Variants in TMEM230 observed in about 807,000 individuals in gnomAD.
The protein encoded by TMEM230 is transmembrane protein 230.
A neutral mutation model predicts 15.8 loss-of-function variants in TMEM230; 10 were observed. That is an observed-to-expected ratio of 0.63 (90% CI 0.39 to 1.07). The LOEUF is 1.07. Ranked by LOEUF, TMEM230 falls within the 50% of genes least tolerant of loss-of-function variation. The pLI is 0.01. For missense variants in TMEM230, 165 were observed against 193.3 expected, an observed-to-expected ratio of 0.85 and a Z score of 0.87; for synonymous variants, 67 against 76.9, an observed-to-expected ratio of 0.87 and a Z score of 0.68.
chr20:5,082,125 G>C (rs1189412039), intron 3 of TMEM230, among the ~76,000 whole-genome samples: 1 of 151,638 alleles, frequency 6.6e-6, no homozygotes, highest in South Asian at 2.1e-4. Context: ...GACCTCAGGT[G>C]GTCCACCTGC....
In TMEM230 at chr20:5,112,989, C is replaced by G. The variant is rs1211824541; in HGVS notation, c.40G>C (p.Val14Leu). 3 of 1,550,930 alleles carry G rather than the reference C, an allele frequency of 1.9e-6. No homozygotes were observed. The highest frequency in any genetic ancestry group is 1.2e-5 in the South Asian group (1 of 84,150). The change falls in exon 1 of 5, where the codon GTG becomes CTG. Residue 14 changes from valine to leucine, a missense_variant. By Grantham distance (32) the Val-to-Leu change is conservative. Coordinates refer to ENST00000342308, the MANE Select transcript of TMEM230 (RefSeq NM_001009923.2). ...AGCGCCGCGCCAGGCCGCCCGCACACCCAGAGCTCGCCCACGGTTGGCAGC... is the reference window on the plus strand; with the variant it reads ...AGCGCCGCGCCAGGCCGCCCGCACAGCCAGAGCTCGCCCACGGTTGGCAGC...
chr20:5,062,377 A>AG, the TMEM230 span, among the ~76,000 whole-genome samples: 1 of 151,776 alleles, frequency 6.6e-6, no homozygotes, highest in Admixed American at 6.6e-5. Context: ...CTCAATTAAA[A>AG]AAAAAAAAAA....
In TMEM230 at chr20:5,109,451, G is replaced by C. The variant is rs2090227137; in HGVS notation, c.175-6C>G. The C allele has an allele frequency of 1.2e-6, 2 of 1,610,826 alleles. No individual in the cohort carries two copies. The highest frequency in any genetic ancestry group is 2.2e-5 in the South Asian group (2 of 90,862). ...ATCATAACACGCTGACACAGCTACAGTTTAAAAACAAAAAACCCGTTATTG... is the reference window on the plus strand; with the variant it reads ...ATCATAACACGCTGACACAGCTACACTTTAAAAACAAAAAACCCGTTATTG... On this transcript the variant is annotated splice_region_variant and splice_polypyrimidine_tract_variant and intron_variant, in intron 2 of 4. Transcript: ENST00000342308.
intron 4 of TMEM230, among the ~76,000 whole-genome samples, chr20:5,102,688 C>CA (rs58106156): frequency 0.13 from 10,629 of 82,572 alleles, 847 homozygotes; most frequent in East Asian, 0.5. Flanking sequence ...GACCCTGTCT[C>CA]AAAAAAAAAA....
intron 3 of TMEM230, among the ~76,000 whole-genome samples, chr20:5,106,953 C>T (rs1345281724): frequency 1.3e-5 from 2 of 152,116 alleles, no homozygotes; most frequent in African/African-American, 4.8e-5. Flanking sequence ...GGGAGTCCTT[C>T]CACCTCTGCC....
intron 3 of TMEM230, among the ~76,000 whole-genome samples, chr20:5,093,553 T>C (rs536995808): frequency 6.6e-6 from 1 of 151,788 alleles, no homozygotes. Context: ...TTTATTTATT[T>C]AGAGATGGAG....
intron 3 of TMEM230, among the ~76,000 whole-genome samples, chr20:5,093,993 G>A (rs2089589445): frequency 6.6e-6 from 1 of 151,298 alleles, no homozygotes; most frequent in African/African-American, 2.4e-5. Flanking sequence ...TCGCTCTGTC[G>A]CCCAGGCTGG....
At chr20:5,094,050 C>G (rs1052707714) in intron 3 of TMEM230, among the ~76,000 whole-genome samples, 9 of 151,820 alleles carry the variant, frequency 5.9e-5, no homozygotes, top group Non-Finnish European at 1.2e-4. Context: ...CCTCTGCCTC[C>G]CGGGTTCAAG....
At chr20:5,083,778 C>T (rs1466696205) in intron 3 of TMEM230, among the ~76,000 whole-genome samples, 1 of 152,172 alleles carries the variant, frequency 6.6e-6, no homozygotes. Context: ...TACCTACAGT[C>T]TTTCTTCAAT....
downstream of TMEM230, among the ~76,000 whole-genome samples, chr20:5,098,001 G>A (rs1250131032): frequency 3.0e-4 from 33 of 109,164 alleles, no homozygotes; most frequent in African/African-American, 9.6e-4. Flanking sequence ...TTTTTGAGAC[G>A]GAGTCTGGCT....
intron 3 of TMEM230, among the ~76,000 whole-genome samples, chr20:5,075,819 G>C (rs1453049770): frequency 6.6e-6 from 1 of 152,060 alleles, no homozygotes; most frequent in Admixed American, 6.6e-5. Flanking sequence ...TGCAATTGCT[G>C]TCAAGGTTTC....
intron 3 of TMEM230, among the ~76,000 whole-genome samples, chr20:5,081,864 CTTTTTTTTCTTTTTTTT>C (rs1568484720): frequency 2.1e-5 from 3 of 140,316 alleles, no homozygotes; most frequent in Non-Finnish European, 3.0e-5. Flanking sequence ...CACTGATTTT[CTTTTTTTTCTTTTTTTT>C]TTTTTTTTTT....
At chr20:5,110,259 C>T (rs117577090) in intron 2 of TMEM230, among the ~76,000 whole-genome samples, 3,610 of 150,962 alleles carry the variant, frequency 0.024, 52 homozygotes, top group Non-Finnish European at 0.037. Flanking sequence ...TGGTTTTCAC[C>T]ATGGTGGCCG....
chr20:5,088,712 C>G (rs1227452874), intron 3 of TMEM230, among the ~76,000 whole-genome samples: 1 of 151,824 alleles, frequency 6.6e-6, no homozygotes. Context: ...TGGGGTCTCA[C>G]TATGTTACCC....
Position 5,069,652 on chromosome 20 carries a change from C to T in TMEM230, c.223-303G>A, listed in dbSNP as rs1160457016. On this transcript the variant is annotated intron_variant, in intron 3 of 3. Coordinates refer to the TMEM230 transcript ENST00000612323. ...GGTAGAGTCTAAGTCCCTTTCCTTTCCTTTCCTCTCCCCTTTCCTTTCTTT... is the reference window on the plus strand; with the variant it reads ...GGTAGAGTCTAAGTCCCTTTCCTTTTCTTTCCTCTCCCCTTTCCTTTCTTT... Among the ~76,000 whole-genome samples the T allele has an allele frequency of 2.0e-5, 3 of 152,044 alleles. No homozygotes were observed. In the East Asian group the frequency reaches 5.8e-4, roughly 29 times the overall value.
intron 3 of TMEM230, among the ~76,000 whole-genome samples, chr20:5,082,922 G>GTTT (rs140284230): frequency 1.6e-5 from 2 of 127,252 alleles, no homozygotes; most frequent in Non-Finnish European, 1.6e-5. Context: ...TCTTCATATT[G>GTTT]TTTTTTTTTT....
intron 3 of TMEM230, among the ~76,000 whole-genome samples, chr20:5,083,851 T>C (rs923458062): frequency 3.3e-5 from 5 of 152,222 alleles, no homozygotes; most frequent in South Asian, 2.1e-4. Flanking sequence ...GCATAAGATC[T>C]TTTTCTCTCT....
intron 3 of TMEM230, among the ~76,000 whole-genome samples, chr20:5,093,761 C>G (rs1160829909): frequency 1.3e-5 from 2 of 152,092 alleles, no homozygotes; most frequent in African/African-American, 2.4e-5. Context: ...TGGTCTTCAG[C>G]TCCTGGCTTC....
intron 3 of TMEM230, among the ~76,000 whole-genome samples, chr20:5,069,527 C>G (rs903847606): frequency 5.3e-5 from 8 of 152,198 alleles, no homozygotes; most frequent in African/African-American, 1.9e-4. Context: ...TGTTTGTGAT[C>G]TGTCACTCAG....
Sources: gnomAD v4.1 joint callset for allele counts (sites outside exome capture counted in the v4.1 genomes callset) on GRCh38, gnomAD v4.1.1 for gene constraint, MANE v1.5 for transcripts, NCBI Gene and HGNC (gene_info 2026-07-23, HGNC 2026-07-21) for gene names.